The following TMEM108 variants were observed in gnomAD, a reference collection of about 807,000 sequenced individuals.
The protein encoded by TMEM108 is transmembrane protein 108, also known as cancer/testis antigen 124.
TMEM108 carries 12 observed loss-of-function variants against 35.1 expected under a neutral mutation model. That is an observed-to-expected ratio of 0.34 (90% CI 0.22 to 0.55). The LOEUF (loss-of-function observed/expected upper bound fraction) is 0.55, where lower values mean the gene tolerates loss of function less well. Among genes scored for constraint, TMEM108 ranks in the 20% least tolerant of loss-of-function variants. The pLI is 0.89. For synonymous variants in TMEM108, 287 were observed against 308.6 expected (o/e 0.93, Z 0.73); for missense variants, 680 against 753.3 (o/e 0.90, Z 1.14).
chr3:133,069,762 C>T (rs1943654729), intron 2 of TMEM108, among the ~76,000 whole-genome samples: 1 of 152,094 alleles, frequency 6.6e-6, no homozygotes, highest in Non-Finnish European at 1.5e-5. Flanking sequence ...CATGATCTGT[C>T]CAGGCTTTGT....
At chr3:133,068,191 A>G (rs570792159) in intron 2 of TMEM108, among the ~76,000 whole-genome samples, 5 of 152,284 alleles carry the variant, frequency 3.3e-5, no homozygotes, top group Admixed American at 6.5e-5. Context: ...TAAGTTTCCC[A>G]CATGAACTTA....
intron 2 of TMEM108, among the ~76,000 whole-genome samples, chr3:133,099,585 G>A (rs1313983602): frequency 6.6e-6 from 1 of 152,066 alleles, no homozygotes; most frequent in Non-Finnish European, 1.5e-5. Flanking sequence ...GCTCTTAATA[G>A]CACCCAAGTC....
intron 3 of TMEM108, 140 bp downstream of exon 3, chr3:133,229,491 A>T (rs1252842931): frequency 1.6e-6 from 1 of 643,542 alleles, no homozygotes; most frequent in African/African-American, 1.9e-5. Flanking sequence ...CTTCATCTAG[A>T]TGAAGTATCA....
chr3:133,386,932 TCCTC>T (rs2073160673), intron 4 of TMEM108: 1 of 838,376 alleles, frequency 1.2e-6, no homozygotes, highest in South Asian at 5.3e-5. Flanking sequence ...AATAGTGCCT[TCCTC>T]AGGCAGTTAT....
chr3:133,065,207 A>G (rs1158089808), intron 2 of TMEM108, among the ~76,000 whole-genome samples: 1 of 152,060 alleles, frequency 6.6e-6, no homozygotes, highest in African/African-American at 2.4e-5. Context: ...AGCACTATGT[A>G]TTCTTTTTTA....
At chr3:133,222,437 G>T (rs578187346) in intron 2 of TMEM108, among the ~76,000 whole-genome samples, 1 of 152,048 alleles carries the variant, frequency 6.6e-6, no homozygotes, top group African/African-American at 2.4e-5. Context: ...TCTTTTCCCA[G>T]ATTTGAAAAC....
chr3:133,100,023 A>T (rs1236783011), intron 2 of TMEM108, among the ~76,000 whole-genome samples: 1 of 152,230 alleles, frequency 6.6e-6, no homozygotes, highest in East Asian at 1.9e-4. Context: ...GCTGATAAAG[A>T]CATACCCAAA....
chr3:133,317,772 A>G (rs972630693), intron 3 of TMEM108, among the ~76,000 whole-genome samples: 8 of 152,252 alleles, frequency 5.3e-5, no homozygotes, highest in Admixed American at 4.6e-4. Context: ...TTGGGGACAT[A>G]GCAGCAAACA....
intron 2 of TMEM108, among the ~76,000 whole-genome samples, chr3:133,107,389 A>AAAACAGCTTATTCC (rs1433947893): frequency 1.3e-5 from 2 of 152,164 alleles, no homozygotes; most frequent in Non-Finnish European, 2.9e-5. Flanking sequence ...CATGAAAGAT[A>AAAACAGCTTATTCC]AAACAGCTTA....
chr3:133,099,520 A>G (rs1435244283), intron 2 of TMEM108, among the ~76,000 whole-genome samples: 1 of 152,208 alleles, frequency 6.6e-6, no homozygotes, highest in Non-Finnish European at 1.5e-5. Context: ...CTACTGCATC[A>G]TCAGGCTGTA....
At chr3:133,128,685 A>G (rs567720855) in intron 2 of TMEM108, among the ~76,000 whole-genome samples, 8 of 152,274 alleles carry the variant, frequency 5.3e-5, no homozygotes, top group Admixed American at 3.3e-4. Context: ...TTTGGTCATC[A>G]CATAGTTTGA....
At chr3:133,309,763 G>C (rs1282763329) in intron 3 of TMEM108, among the ~76,000 whole-genome samples, 2 of 131,152 alleles carry the variant, frequency 1.5e-5, no homozygotes, top group African/African-American at 2.9e-5. Context: ...TGCAGTGGCG[G>C]GATCTCGGCT....
At chr3:133,095,196 T>A (rs1278117520) in intron 2 of TMEM108, among the ~76,000 whole-genome samples, 2 of 152,216 alleles carry the variant, frequency 1.3e-5, no homozygotes, top group African/African-American at 4.8e-5. Context: ...GATGACTCTT[T>A]AGTTCACATA....
chr3:133,380,462 C>G lies in TMEM108; in HGVS notation c.751C>G (p.Gln251Glu). ...GGGCTACTCCTCTTCACCACAGCCC[C>G]AGACAGTGGCTGCGACCACAGTGCC... ...LWGYSSSPQP[Q>E]TVAATTVPSN... Residue 251 changes from glutamine (Q) to glutamate (E), a missense_variant, in exon 4 of 6, where the codon CAG becomes GAG. Physicochemically the swap from Gln to Glu is conservative, Grantham distance 29. Around this residue, in one of 3 missense-constraint regions of TMEM108, gnomAD observed 526 missense variants for 532.1 expected, o/e 0.99. Transcript: ENST00000321871. This position sits in a 1 kb window ranked among gnomAD's most constrained non-coding sequence, Gnocchi z 5.3. 6.2e-7 allele frequency: 1 copy of G among 1,614,044 alleles called. No individual in the cohort carries two copies. The highest frequency in any genetic ancestry group is 2.2e-5 in the East Asian group (1 of 44,872).
chr3:133,110,237 G>T (rs1426167343), intron 2 of TMEM108, among the ~76,000 whole-genome samples: 1 of 152,154 alleles, frequency 6.6e-6, no homozygotes, highest in Non-Finnish European at 1.5e-5. Context: ...GTTGATTTGA[G>T]TGTGGGGGAG....
intron 2 of TMEM108, among the ~76,000 whole-genome samples, chr3:133,227,716 G>A (rs1294190087): frequency 1.3e-5 from 2 of 151,176 alleles, no homozygotes; most frequent in Non-Finnish European, 3.0e-5. Flanking sequence ...CCAACATGGT[G>A]AAACCCTGTC....
chr3:133,393,267 T>A (rs1318012682), intron 5 of TMEM108, among the ~76,000 whole-genome samples: 1 of 152,212 alleles, frequency 6.6e-6, no homozygotes, highest in African/African-American at 2.4e-5. Flanking sequence ...ATTAATTAAA[T>A]CTCCAACCTC....
intron 2 of TMEM108, among the ~76,000 whole-genome samples, chr3:133,072,942 C>A (rs1943693798): frequency 6.6e-6 from 1 of 152,118 alleles, no homozygotes; most frequent in Admixed American, 6.6e-5. Flanking sequence ...TTTTACTTAG[C>A]AAATGTTTCC....
intron 3 of TMEM108, among the ~76,000 whole-genome samples, chr3:133,372,016 C>T (rs1047622841): frequency 2.6e-5 from 4 of 152,094 alleles, no homozygotes; most frequent in Admixed American, 2.6e-4. Context: ...GTTTCAAGGC[C>T]CAGGAAGAAT....
Sources: gnomAD v4.1 joint callset for allele counts (sites outside exome capture counted in the v4.1 genomes callset) on GRCh38, gnomAD v4.1.1 for gene constraint, gnomAD v4.1.1 regional missense constraint, Gnocchi (gnomAD v3.1) non-coding constraint, MANE v1.5 for transcripts, NCBI Gene and HGNC (gene_info 2026-07-23, HGNC 2026-07-21) for gene names.